The following RARB variants were observed in gnomAD, a reference collection of about 807,000 sequenced individuals.
The protein encoded by RARB is retinoic acid receptor beta, also known as HBV-activated protein.
RARB carries 17 observed loss-of-function variants against 51.9 expected under a neutral mutation model. That is an observed-to-expected ratio of 0.33 (90% CI 0.22 to 0.49). The LOEUF is 0.49. Among genes scored for constraint, RARB ranks in the 20% least tolerant of loss-of-function variants. RARB has a pLI of 0.99. For synonymous variants in RARB, 215 were observed against 195.4 expected, an observed-to-expected ratio of 1.10 and a Z score of -0.84; for missense variants, 369 against 550.8, an observed-to-expected ratio of 0.67 and a Z score of 3.30.
At chr3:25,376,561 C>G (rs1376020080) in intron 5 of RARB, among the ~76,000 whole-genome samples, 1 of 152,162 alleles carries the variant, frequency 6.6e-6, no homozygotes, top group Non-Finnish European at 1.5e-5. Flanking sequence ...AACTTGGAAA[C>G]TGGTTTTTGC....
At chr3:25,328,184 T>C (rs1704781075) in intron 5 of RARB, among the ~76,000 whole-genome samples, 1 of 152,206 alleles carries the variant, frequency 6.6e-6, no homozygotes, top group African/African-American at 2.4e-5. Context: ...TACAAGATAT[T>C]TGGCAACCTA....
intron 2 of RARB, among the ~76,000 whole-genome samples, chr3:25,008,170 T>C (rs373960000): frequency 6.6e-6 from 1 of 152,258 alleles, no homozygotes; most frequent in South Asian, 2.1e-4. Flanking sequence ...TAACAGTGTT[T>C]CGTTTGGGCA....
At chr3:25,453,111 G>T (rs1204439799) in intron 1 of RARB, among the ~76,000 whole-genome samples, 1 of 152,144 alleles carries the variant, frequency 6.6e-6, no homozygotes, top group East Asian at 1.9e-4. Flanking sequence ...GGGATTACAG[G>T]AAGGTTAGGA....
intron 5 of RARB, among the ~76,000 whole-genome samples, chr3:25,276,333 G>T (rs541450386): frequency 1.3e-5 from 2 of 152,014 alleles, no homozygotes; most frequent in African/African-American, 4.8e-5. Flanking sequence ...TCTTTAGCCC[G>T]TTATGTAAGC....
At chr3:25,053,316 T>G (rs995865401) in intron 2 of RARB, among the ~76,000 whole-genome samples, 28 of 152,302 alleles carry the variant, frequency 1.8e-4, no homozygotes, top group African/African-American at 6.7e-4. Context: ...GTATCATACA[T>G]GGTCACCTAC....
At chr3:25,378,254 C>G (rs922312157) in intron 5 of RARB, among the ~76,000 whole-genome samples, 1 of 152,170 alleles carries the variant, frequency 6.6e-6, no homozygotes, top group African/African-American at 2.4e-5. Flanking sequence ...CTTTAGGAAA[C>G]AGATGGAAGC....
At chr3:25,429,006 T>C in intron 1 of RARB, 118 bp downstream of exon 1, 1 of 1,264,194 alleles carries the variant, frequency 7.9e-7, no homozygotes, top group African/African-American at 1.5e-5. Flanking sequence ...AATGATTTAA[T>C]GCTGAAGGGG....
intron 4 of RARB, among the ~76,000 whole-genome samples, chr3:25,163,504 A>AATATATATATATATATATATT (rs1553638939): frequency 2.0e-4 from 26 of 131,096 alleles, no homozygotes; most frequent in African/African-American, 8.4e-4. Context: ...CCTATCTCAA[A>AATATATATATATATATATATT]ATATATATAT....
chr3:25,418,140 G>A lies in RARB; in HGVS notation c.179-43053G>A, dbSNP rs116092491. Among the ~76,000 whole-genome samples the A allele has an allele frequency of 4.4e-3, 665 of 152,282 alleles. 7 individuals carry two copies. The highest frequency in any genetic ancestry group is 0.015 in the African/African-American group (640 of 41,568). On this transcript the variant is annotated intron_variant, in intron 5 of 11. Coordinates refer to the RARB transcript ENST00000383772. ...TGAGAACATGGCCACACCTAGCTGC[G>A]AAGGAGGCTGGGAAATATGGTGTCT...
intron 5 of RARB, among the ~76,000 whole-genome samples, chr3:25,237,365 C>T (rs1255654856): frequency 2.0e-5 from 3 of 151,996 alleles, no homozygotes; most frequent in Admixed American, 1.3e-4. Context: ...TGCTTTTTTT[C>T]CTATCTGATC....
At chr3:24,962,895 A>G (rs1396907391) in intron 2 of RARB, among the ~76,000 whole-genome samples, 1 of 152,140 alleles carries the variant, frequency 6.6e-6, no homozygotes, top group Admixed American at 6.5e-5. Context: ...GGTAGATTCC[A>G]TTGTTAGCAT....
chr3:25,420,831 G>A (rs1707836404), intron 5 of RARB, among the ~76,000 whole-genome samples: 2 of 152,148 alleles, frequency 1.3e-5, no homozygotes, highest in Admixed American at 6.5e-5. Context: ...ATATCAGGTA[G>A]AAGAACGGGT....
At chr3:25,554,387 G>A (rs1444955988) in intron 3 of RARB, among the ~76,000 whole-genome samples, 1 of 151,978 alleles carries the variant, frequency 6.6e-6, no homozygotes. Context: ...GCAGTCCATA[G>A]GTTAAACCCG....
At chr3:25,017,501 G>A (rs890392671) in intron 2 of RARB, among the ~76,000 whole-genome samples, 1 of 152,076 alleles carries the variant, frequency 6.6e-6, no homozygotes, top group Non-Finnish European at 1.5e-5. Context: ...GGCTTATCTG[G>A]TGCATTTTTA....
chr3:25,162,090 A>T (rs1045203415), intron 4 of RARB, among the ~76,000 whole-genome samples: 8 of 152,062 alleles, frequency 5.3e-5, no homozygotes, highest in Non-Finnish European at 8.8e-5. Context: ...GTATGTATAT[A>T]TGTGCCTATT....
At chr3:25,343,467 A>G (rs9820061) in intron 5 of RARB, among the ~76,000 whole-genome samples, 4,633 of 142,790 alleles carry the variant, frequency 0.032, 168 homozygotes, top group African/African-American at 0.097. Context: ...TTTTTTTTTT[A>G]CAAGCAGTAT....
intron 2 of RARB, among the ~76,000 whole-genome samples, chr3:24,980,292 A>G (rs76216692): frequency 6.6e-6 from 1 of 151,904 alleles, no homozygotes; most frequent in African/African-American, 2.4e-5. Context: ...TGTTCTCTGT[A>G]TTTCCTGAAT....
At chr3:25,324,475 G>A in intron 5 of RARB, 1 of 158,068 alleles carries the variant, frequency 6.3e-6, no homozygotes. Context: ...TCAGCTTCTG[G>A]GCCTGAGTCT....
At chr3:24,992,221 G>C (rs1189339763) in intron 2 of RARB, among the ~76,000 whole-genome samples, 2 of 152,154 alleles carry the variant, frequency 1.3e-5, no homozygotes, top group African/African-American at 4.8e-5. Context: ...CCTGCGTTTT[G>C]AGCTAAATAT....
Sources: allele counts gnomAD v4.1 joint callset (sites outside exome capture counted in the v4.1 genomes callset), GRCh38; gene constraint gnomAD v4.1.1; transcripts MANE v1.5; gene names NCBI Gene and HGNC (gene_info 2026-07-23, HGNC 2026-07-21).